The following NXPE2 variants were observed in gnomAD, a reference collection of about 807,000 sequenced individuals.
NXPE2 encodes neurexophilin and PC-esterase domain family member 2, also known as NXPE family member 2.
Under a neutral mutation model 34.4 loss-of-function variants are expected in NXPE2, and 34 were observed. That is an observed-to-expected ratio of 0.99 (90% CI 0.75 to 1.31). The LOEUF (loss-of-function observed/expected upper bound fraction) is 1.31, where lower values mean the gene tolerates loss of function less well. Ranked by LOEUF, NXPE2 falls within the 40% of genes most tolerant of loss-of-function variation. The pLI, the probability that NXPE2 is intolerant of heterozygous loss-of-function variation, is 0.00. For synonymous variants in NXPE2, 235 were observed against 231.3 expected, an observed-to-expected ratio of 1.02 and a Z score of -0.15; for missense variants, 649 against 672.5, an observed-to-expected ratio of 0.97 and a Z score of 0.39.
intron 3 of NXPE2, among the ~76,000 whole-genome samples, chr11:114,702,138 A>G (rs753475763): frequency 7.2e-5 from 11 of 152,212 alleles, no homozygotes; most frequent in African/African-American, 1.2e-4. Flanking sequence ...AAAAACATAA[A>G]TGAGGAGTTA....
the NXPE2 span, among the ~76,000 whole-genome samples, chr11:114,742,870 T>C: frequency 6.6e-6 from 1 of 152,202 alleles, no homozygotes; most frequent in South Asian, 2.1e-4. Flanking sequence ...TATATGGGTT[T>C]GACCAATTCC....
At chr11:114,542,582 T>C in the NXPE2 span, among the ~76,000 whole-genome samples, 2 of 152,120 alleles carry the variant, frequency 1.3e-5, no homozygotes, top group Non-Finnish European at 2.9e-5. Flanking sequence ...TGGGGAGAGC[T>C]ATGAAAAGCA....
the NXPE2 span, among the ~76,000 whole-genome samples, chr11:114,494,973 C>T: frequency 1.3e-5 from 2 of 152,214 alleles, no homozygotes; most frequent in African/African-American, 4.8e-5. Flanking sequence ...TCAGAGGTAC[C>T]ACCTTGGTGG....
chr11:114,712,838 C>T, the NXPE2 span, among the ~76,000 whole-genome samples: 1 of 152,174 alleles, frequency 6.6e-6, no homozygotes, highest in Non-Finnish European at 1.5e-5. Flanking sequence ...CCATGTTCAT[C>T]ACAAGACTAT....
the NXPE2 span, among the ~76,000 whole-genome samples, chr11:114,539,569 T>C: frequency 6.6e-6 from 1 of 152,322 alleles, no homozygotes; most frequent in South Asian, 2.1e-4. Flanking sequence ...CTTAACATGA[T>C]AAAGTTGTTA....
the NXPE2 span, among the ~76,000 whole-genome samples, chr11:114,563,440 G>A: frequency 8.6e-4 from 131 of 152,226 alleles, no homozygotes; most frequent in Middle Eastern, 6.8e-3. Context: ...GGGATGCCAC[G>A]TGTGGACGCT....
chr11:114,528,852 G>A, the NXPE2 span: 2 of 665,386 alleles, frequency 3.0e-6, no homozygotes, highest in East Asian at 5.4e-5. Context: ...GAAAGGATCA[G>A]CATGTTTTCA....
chr11:114,578,544 G>A, the NXPE2 span, among the ~76,000 whole-genome samples: 1 of 152,150 alleles, frequency 6.6e-6, no homozygotes, highest in Non-Finnish European at 1.5e-5. Context: ...TCCTTCCATT[G>A]AGAATTTTTC....
At chr11:114,679,517 T>G (rs1235444131) in intron 1 of NXPE2, 140 bp from the exon 2 acceptor site, 1 of 509,238 alleles carries the variant, frequency 2.0e-6, no homozygotes, top group Non-Finnish European at 3.5e-6. Flanking sequence ...TGATTGACAA[T>G]AGAAGATATA....
chr11:114,783,300 A>G, the NXPE2 span, among the ~76,000 whole-genome samples: 1 of 152,190 alleles, frequency 6.6e-6, no homozygotes, highest in African/African-American at 2.4e-5. Flanking sequence ...AGACACCAAG[A>G]ACATTTTCTA....
chr11:114,654,043 A>G, the NXPE2 span, among the ~76,000 whole-genome samples: 2 of 152,174 alleles, frequency 1.3e-5, no homozygotes, highest in Non-Finnish European at 2.9e-5. Context: ...AAATCAAGTT[A>G]TGTTTGGTAA....
chr11:114,489,113 AATGG>A, the NXPE2 span, among the ~76,000 whole-genome samples: 3 of 152,216 alleles, frequency 2.0e-5, no homozygotes, highest in African/African-American at 7.2e-5. Flanking sequence ...ATCTAGAAGA[AATGG>A]ATAAATTCCT....
the NXPE2 span, among the ~76,000 whole-genome samples, chr11:114,650,569 G>A: frequency 6.6e-6 from 1 of 151,594 alleles, no homozygotes; most frequent in Non-Finnish European, 1.5e-5. Context: ...TCCCCAGGAA[G>A]TGAGAAAAAA....
chr11:114,579,234 C>T, the NXPE2 span, among the ~76,000 whole-genome samples: 2 of 152,108 alleles, frequency 1.3e-5, no homozygotes, highest in Non-Finnish European at 2.9e-5. Flanking sequence ...CATGAACTGA[C>T]AGAGCGAGAA....
the NXPE2 span, among the ~76,000 whole-genome samples, chr11:114,634,662 A>T: frequency 6.6e-6 from 1 of 152,064 alleles, no homozygotes; most frequent in African/African-American, 2.4e-5. Flanking sequence ...GAAGGGATCC[A>T]GTTTCAGCTT....
chr11:114,696,817 C>A (rs1203080617), intron 2 of NXPE2, among the ~76,000 whole-genome samples: 1 of 152,118 alleles, frequency 6.6e-6, no homozygotes, highest in Admixed American at 6.5e-5. Flanking sequence ...TACAGTAGTC[C>A]TTAAATCTAC....
At chr11:114,783,119 C>T in the NXPE2 span, among the ~76,000 whole-genome samples, 5 of 152,200 alleles carry the variant, frequency 3.3e-5, no homozygotes, top group African/African-American at 4.8e-5. Context: ...TTTTCCATTT[C>T]GTAACCTGCA....
chr11:114,565,865 G>A, the NXPE2 span, among the ~76,000 whole-genome samples: 1 of 152,120 alleles, frequency 6.6e-6, no homozygotes. Context: ...CAGGAAAGAG[G>A]TGATACTGTT....
chr11:114,786,355 A>C, the NXPE2 span, among the ~76,000 whole-genome samples: 597 of 126,616 alleles, frequency 4.7e-3, 1 homozygote, highest in Admixed American at 8.3e-3. Context: ...AGATCTTTCT[A>C]CCCCCGCCCC....
Sources: gnomAD v4.1 joint callset for allele counts (sites outside exome capture counted in the v4.1 genomes callset) on GRCh38, gnomAD v4.1.1 for gene constraint, MANE v1.5 for transcripts, NCBI Gene and HGNC (gene_info 2026-07-23, HGNC 2026-07-21) for gene names.